The following LURAP1L variants were observed in gnomAD, a reference collection of about 807,000 sequenced individuals.
The protein encoded by LURAP1L is leucine rich adaptor protein 1 like, also known as leucine rich adaptor protein 1-like.
In LURAP1L, 12 loss-of-function variants were observed where a neutral mutation model predicts 13.8. The observed-to-expected ratio is 0.87, with a 90% CI of 0.56 to 1.41. LURAP1L has a LOEUF of 1.41. LURAP1L is among the 40% of genes most tolerant of loss of function. The pLI, the probability that LURAP1L is intolerant of heterozygous loss-of-function variation, is 0.00. For synonymous variants in LURAP1L, 139 were observed against 119.2 expected, an observed-to-expected ratio of 1.17 and a Z score of -1.08; for missense variants, 375 against 292.9, an observed-to-expected ratio of 1.28 and a Z score of -2.04.
intron 1 of LURAP1L, among the ~76,000 whole-genome samples, chr9:12,800,949 G>C (rs776987733): frequency 2.0e-5 from 3 of 152,232 alleles, no homozygotes; most frequent in South Asian, 2.1e-4. Flanking sequence ...ATAATGTGGC[G>C]AGTTTTTTAT....
At chr9:12,798,839 G>A (rs954447071) in intron 1 of LURAP1L, among the ~76,000 whole-genome samples, 2 of 152,118 alleles carry the variant, frequency 1.3e-5, no homozygotes, top group Non-Finnish European at 2.9e-5. Context: ...CAAAATGTGC[G>A]AGTGACCCTT....
chr9:12,801,579 A>G (rs567234505), intron 1 of LURAP1L, among the ~76,000 whole-genome samples: 2 of 152,346 alleles, frequency 1.3e-5, no homozygotes, highest in East Asian at 3.9e-4. Context: ...AAAAGAAAAT[A>G]TTGCTTTAAA....
At chr9:12,809,894 CT>C (rs1819713344) in intron 1 of LURAP1L, among the ~76,000 whole-genome samples, 2 of 152,126 alleles carry the variant, frequency 1.3e-5, no homozygotes, top group African/African-American at 4.8e-5. Context: ...GGTCAGAGGC[CT>C]GCAGTTCTTT....
At chr9:12,804,809 G>C (rs1819634159) in intron 1 of LURAP1L, among the ~76,000 whole-genome samples, 1 of 152,154 alleles carries the variant, frequency 6.6e-6, no homozygotes, top group South Asian at 2.1e-4. Flanking sequence ...AGGAAAGGTA[G>C]TCCGAGTTAA....
chr9:12,801,505 A>G (rs141479725), intron 1 of LURAP1L, among the ~76,000 whole-genome samples: 22 of 152,276 alleles, frequency 1.4e-4, no homozygotes, highest in African/African-American at 5.1e-4. Context: ...TTCTCAAACC[A>G]TCTATTACTT....
intron 1 of LURAP1L, among the ~76,000 whole-genome samples, chr9:12,790,459 GA>G (rs1182435015): frequency 1.3e-5 from 2 of 152,068 alleles, no homozygotes; most frequent in Non-Finnish European, 2.9e-5. Context: ...GTGGATCATA[GA>G]AACCCAATGC....
At chr9:12,803,759 A>T (rs1320540982) in intron 1 of LURAP1L, among the ~76,000 whole-genome samples, 1 of 152,228 alleles carries the variant, frequency 6.6e-6, no homozygotes, top group Non-Finnish European at 1.5e-5. Flanking sequence ...TTAATTGTTC[A>T]AAACAGTAGC....
intron 1 of LURAP1L, among the ~76,000 whole-genome samples, chr9:12,811,995 A>T (rs1563897805): frequency 6.6e-6 from 1 of 152,130 alleles, no homozygotes; most frequent in Non-Finnish European, 1.5e-5. Flanking sequence ...TTGTCCAGAG[A>T]TCTCAGTTCC....
chr9:12,783,922 A>G lies in LURAP1L; in HGVS notation c.312+7895A>G, dbSNP rs563769538. Reference sequence around the variant, plus strand: ...TATATTTTCAATTAGCATGTCTTCAAGCTCACTAATTCTTTCTTCTCCTTG... The same window carrying G: ...TATATTTTCAATTAGCATGTCTTCAGGCTCACTAATTCTTTCTTCTCCTTG... On this transcript the variant is annotated intron_variant, in intron 1 of 1. Coordinates refer to ENST00000319264, the MANE Select transcript of LURAP1L (RefSeq NM_203403.2). 4.0e-5 allele frequency among the ~76,000 whole-genome samples: 6 copies of G among 151,570 alleles called. No individual in the cohort carries two copies. In the East Asian group the frequency reaches 5.9e-4, roughly 15 times the overall value.
At chr9:12,780,794 AT>A (rs1819258918) in intron 1 of LURAP1L, among the ~76,000 whole-genome samples, 2 of 151,986 alleles carry the variant, frequency 1.3e-5, no homozygotes, top group African/African-American at 4.8e-5. Context: ...TAATACAGTA[AT>A]AAATTGTATA....
Position 12,822,412 on chromosome 9 carries a change from CAT to C in LURAP1L, c.*655_*656del, listed in dbSNP as rs1472756431. On this transcript the variant is annotated 3_prime_UTR_variant, in exon 2 of 2. Coordinates refer to ENST00000319264, the MANE Select transcript of LURAP1L (RefSeq NM_203403.2). ...TGTCATCAGTGATTCTAACTCAAAT[CAT>C]ATGTTTATTTGTGTAATAAAATGTA... Among the ~76,000 whole-genome samples the C allele has an allele frequency of 6.6e-6, 1 of 152,278 alleles. No individual in the cohort carries two copies. The highest frequency in any genetic ancestry group is 6.5e-5 in the Admixed American group (1 of 15,298).
intron 1 of LURAP1L, among the ~76,000 whole-genome samples, chr9:12,817,329 T>C (rs983714511): frequency 6.6e-6 from 1 of 152,170 alleles, no homozygotes; most frequent in Non-Finnish European, 1.5e-5. Flanking sequence ...CAGGTACTAA[T>C]TCAGCACCTA....
chr9:12,785,169 G>A (rs1819332429), intron 1 of LURAP1L, among the ~76,000 whole-genome samples: 1 of 152,128 alleles, frequency 6.6e-6, no homozygotes, highest in South Asian at 2.1e-4. Flanking sequence ...CCGGGAGCTA[G>A]GGCCTGGCAT....
rs1563901240 is a variant in LURAP1L, at chr9:12,821,458, A to C, written c.385A>C (p.Lys129Gln). The C allele has an allele frequency of 6.2e-7, 1 of 1,614,014 alleles. No homozygotes were observed. The highest frequency in any genetic ancestry group is 1.3e-5 in the African/African-American group (1 of 74,914). ...AATCAATGAGAGCATCGAGTCCATCAAGTGGATGATCGAAGAAAAAGCCAC... is the reference window on the plus strand; with the variant it reads ...AATCAATGAGAGCATCGAGTCCATCCAGTGGATGATCGAAGAAAAAGCCAC... ...LVINESIESI[K>Q]WMIEEKATIT... The change falls in exon 2 of 2, where the codon AAG (lysine) becomes CAG (glutamine). Residue 129 changes from lysine to glutamine, a missense_variant. Lys to Gln is a moderately conservative substitution (Grantham distance 53). Transcript: ENST00000319264.
At chr9:12,793,228 T>A (rs1330177319) in intron 1 of LURAP1L, among the ~76,000 whole-genome samples, 1 of 152,072 alleles carries the variant, frequency 6.6e-6, no homozygotes, top group Middle Eastern at 3.2e-3. Context: ...TACCACCCTG[T>A]CTACCAATGT....
intron 1 of LURAP1L, among the ~76,000 whole-genome samples, chr9:12,816,314 C>G (rs1262060911): frequency 6.6e-6 from 1 of 152,180 alleles, no homozygotes; most frequent in Non-Finnish European, 1.5e-5. Context: ...CACAGAACTA[C>G]TTTACCACCT....
chr9:12,796,020 C>T (rs1461468723), intron 1 of LURAP1L, among the ~76,000 whole-genome samples: 1 of 152,002 alleles, frequency 6.6e-6, no homozygotes, highest in Admixed American at 6.6e-5. Context: ...TATAATTCTA[C>T]AATTACACAG....
intron 1 of LURAP1L, among the ~76,000 whole-genome samples, chr9:12,780,971 T>C (rs1819261450): frequency 6.6e-6 from 1 of 152,060 alleles, no homozygotes; most frequent in Admixed American, 6.6e-5. Flanking sequence ...ATTATTATTA[T>C]TATTAGTTTT....
Position 12,807,393 on chromosome 9 carries a change from A to T in LURAP1L, c.313-13993A>T, listed in dbSNP as rs1819675403. Reference sequence around the variant, plus strand: ...GAGATTATCTGTTTCTCACAGCATGAAATATAAAGACCCTTTCCAGGCAAC... The same window carrying T: ...GAGATTATCTGTTTCTCACAGCATGTAATATAAAGACCCTTTCCAGGCAAC... On this transcript the variant is annotated intron_variant, in intron 1 of 1. Coordinates refer to ENST00000319264, the MANE Select transcript of LURAP1L (RefSeq NM_203403.2). Among the ~76,000 whole-genome samples, 3 of 152,190 alleles carry T rather than the reference A, an allele frequency of 2.0e-5. No individual in the cohort carries two copies. In the South Asian group the frequency reaches 6.2e-4, roughly 32 times the overall value.
Sources: gnomAD v4.1 joint callset for allele counts (sites outside exome capture counted in the v4.1 genomes callset) on GRCh38, gnomAD v4.1.1 for gene constraint, MANE v1.5 for transcripts, NCBI Gene and HGNC (gene_info 2026-07-23, HGNC 2026-07-21) for gene names.